Variants in TRIP4 observed in about 807,000 individuals in gnomAD.
The protein encoded by TRIP4 is thyroid hormone receptor interactor 4, also known as activating signal cointegrator 1.
Under a neutral mutation model 81.8 loss-of-function variants are expected in TRIP4, and 54 were observed. The ratio of observed to expected loss-of-function variants is 0.66; its 90% CI spans 0.53 to 0.83. The LOEUF (loss-of-function observed/expected upper bound fraction) is 0.83, where lower values mean the gene tolerates loss of function less well. Among genes scored for constraint, TRIP4 ranks in the 40% least tolerant of loss-of-function variants. TRIP4 has a pLI of 0.00. For synonymous variants in TRIP4, 270 were observed against 242.8 expected (o/e 1.11, Z -1.04); for missense variants, 662 against 683.6 (o/e 0.97, Z 0.35).
At chr15:64,435,213 C>CAAAAAA (rs35216763) in intron 11 of TRIP4, among the ~76,000 whole-genome samples, 3 of 50,406 alleles carry the variant, frequency 6.0e-5, no homozygotes, top group African/African-American at 1.8e-4. Flanking sequence ...GACCCCATCT[C>CAAAAAA]AAAAAAAAAA....
rs1900260233 is a variant in TRIP4 at position 64,395,380 on chromosome 15, T to C, written c.272-18T>C. ...TCAATCTGTGTGTGTGTGTATTTTT[T>C]TTTTTCTATCTTTAAAGAAATTTTA... is the stretch of plus-strand genomic sequence containing the variant. On this transcript the variant is annotated intron_variant, in intron 2 of 12. Transcript: ENST00000261884. 6.3e-6 allele frequency: 10 copies of C among 1,596,170 alleles called. No individual in the cohort carries two copies. Among genetic ancestry groups the C allele is most frequent in the Non-Finnish European group, 8.5e-6 (10 of 1,174,114 alleles).
intron 11 of TRIP4, among the ~76,000 whole-genome samples, chr15:64,426,107 C>G (rs897269287): frequency 6.6e-6 from 1 of 151,890 alleles, no homozygotes; most frequent in African/African-American, 2.4e-5. Flanking sequence ...GCTATTGCCA[C>G]AATGCAGCTA....
chr15:64,431,978 C>T (rs1392813950), intron 11 of TRIP4, among the ~76,000 whole-genome samples: 2 of 141,332 alleles, frequency 1.4e-5, no homozygotes, highest in East Asian at 4.6e-4. Flanking sequence ...CCTCTGCCTC[C>T]TAGGTTCGAG....
At chr15:64,423,101 C>G (rs185633965) in intron 9 of TRIP4, among the ~76,000 whole-genome samples, 1 of 152,152 alleles carries the variant, frequency 6.6e-6, no homozygotes, top group Non-Finnish European at 1.5e-5. Context: ...TTCTGTTATT[C>G]TCTTTAGAGG....
At chr15:64,446,179 C>G (rs1892627888) in intron 12 of TRIP4, among the ~76,000 whole-genome samples, 1 of 151,754 alleles carries the variant, frequency 6.6e-6, no homozygotes, top group African/African-American at 2.4e-5. Flanking sequence ...GAGGCTGAGG[C>G]AGAAGTATCG....
At chr15:64,397,865 A>T (rs1900339751) in intron 4 of TRIP4, 47 bp downstream of exon 4, 1 of 1,581,864 alleles carries the variant, frequency 6.3e-7, no homozygotes, top group African/African-American at 1.4e-5. Flanking sequence ...TTGTGTTAAT[A>T]CGCAGAGCCA....
chr15:64,399,866 T>C (rs1055404947), intron 4 of TRIP4, among the ~76,000 whole-genome samples: 3 of 151,344 alleles, frequency 2.0e-5, no homozygotes, highest in Admixed American at 2.0e-4. Flanking sequence ...TCCCAGCACT[T>C]TGGAAGGCTG....
chr15:64,406,196 T>C, intron 5 of TRIP4, 134 bp from the exon 6 acceptor site: 2 of 1,068,376 alleles, frequency 1.9e-6, no homozygotes, highest in Non-Finnish European at 2.7e-6. Flanking sequence ...TGTGTACTTG[T>C]TTTCTGTTGA....
At chr15:64,435,543 T>A (rs369233123) in intron 11 of TRIP4, among the ~76,000 whole-genome samples, 6,224 of 126,200 alleles carry the variant, frequency 0.049, 205 homozygotes, top group South Asian at 0.088. Flanking sequence ...AAAAAAAAAA[T>A]ATTATTATTG....
intron 1 of TRIP4, among the ~76,000 whole-genome samples, chr15:64,390,160 TAAAA>T (rs199844801): frequency 6.9e-6 from 1 of 145,508 alleles, no homozygotes; most frequent in Non-Finnish European, 1.5e-5. Flanking sequence ...AATACAGTAT[TAAAA>T]AAAAAAGATT....
intron 2 of TRIP4, 150 bp from the exon 3 acceptor site, chr15:64,395,248 G>T: frequency 4.6e-6 from 3 of 657,736 alleles, no homozygotes; most frequent in South Asian, 3.7e-5. Context: ...TTTAATTCTG[G>T]TTTGACAGGA....
intron 11 of TRIP4, among the ~76,000 whole-genome samples, chr15:64,440,735 T>C (rs537754034): frequency 1.6e-3 from 243 of 152,242 alleles, no homozygotes; most frequent in Non-Finnish European, 2.5e-3. Context: ...AAGGAACCTA[T>C]TGTTATTTAA....
chr15:64,388,034 G>T, intron 1 of TRIP4, 70 bp downstream of exon 1: 1 of 1,469,946 alleles, frequency 6.8e-7, no homozygotes, highest in Non-Finnish European at 9.1e-7. Context: ...ACCGGGAAGC[G>T]GGGAGGACTG....
intron 11 of TRIP4, among the ~76,000 whole-genome samples, chr15:64,432,750 A>G (rs1892305362): frequency 6.6e-6 from 1 of 151,416 alleles, no homozygotes; most frequent in African/African-American, 2.4e-5. Context: ...TCTCTACTAA[A>G]AATACAAAAA....
intron 5 of TRIP4, among the ~76,000 whole-genome samples, chr15:64,405,156 TTC>T (rs1891594827): frequency 6.6e-6 from 1 of 151,932 alleles, no homozygotes; most frequent in Admixed American, 6.6e-5. Flanking sequence ...TCTTTTTCTT[TTC>T]TTTTTTTTTT....
intron 7 of TRIP4, among the ~76,000 whole-genome samples, chr15:64,411,680 A>G (rs1167152458): frequency 2.3e-5 from 2 of 85,550 alleles, no homozygotes; most frequent in African/African-American, 6.0e-5. Flanking sequence ...TAAATTGTGC[A>G]TACTGTTTTT....
At chr15:64,420,115 C>T (rs1891977428) in intron 9 of TRIP4, among the ~76,000 whole-genome samples, 1 of 148,142 alleles carries the variant, frequency 6.8e-6, no homozygotes, top group South Asian at 2.1e-4. Flanking sequence ...TGCCTGGCTT[C>T]TTTCTTTCTT....
At chr15:64,407,914 T>C (rs1891666724) in intron 6 of TRIP4, among the ~76,000 whole-genome samples, 1 of 151,872 alleles carries the variant, frequency 6.6e-6, no homozygotes. Context: ...CTGGGCAGCA[T>C]AGCAAAACCC....
rs1387588235 is a variant in TRIP4, at chr15:64,424,168, T to G, written c.1483+13T>G. 6.2e-7 allele frequency: 1 copy of G among 1,613,940 alleles called. No individual in the cohort carries two copies. ...CTTCGTGGGAAAGGTAACAGCCGCA[T>G]ATTCTCCTTTCAATTTTACTTTATG... On this transcript the variant is annotated intron_variant, in intron 10 of 12. Transcript: ENST00000261884.
Sources: gnomAD v4.1 joint callset for allele counts (sites outside exome capture counted in the v4.1 genomes callset) on GRCh38, gnomAD v4.1.1 for gene constraint, MANE v1.5 for transcripts, NCBI Gene and HGNC (gene_info 2026-07-23, HGNC 2026-07-21) for gene names.